The following AXDND1 variants were observed in gnomAD, a reference collection of about 807,000 sequenced individuals.
The protein encoded by AXDND1 is axonemal dynein light chain domain containing 1.
In AXDND1, 110 loss-of-function variants were observed where a neutral mutation model predicts 137.5. That is an observed-to-expected ratio of 0.80 (90% CI 0.69 to 0.94). AXDND1 has a LOEUF of 0.94. AXDND1 is among the 40% of genes least tolerant of loss of function. The probability of loss-of-function intolerance (pLI) is 0.00; values close to 1 mark genes in which losing one functional copy is unlikely to be tolerated. For synonymous variants in AXDND1, 414 were observed against 399.7 expected (o/e 1.04, Z -0.43); for missense variants, 1,191 against 1,169.8 (o/e 1.02, Z -0.26).
intron 16 of AXDND1, among the ~76,000 whole-genome samples, chr1:179,459,111 G>C (rs72719285): frequency 0.063 from 9,560 of 152,036 alleles, 360 homozygotes; most frequent in African/African-American, 0.071. Flanking sequence ...CTAAAAATGA[G>C]AATGGGAAAA....
At chr1:179,412,106 C>T (rs1653992604) in intron 12 of AXDND1, among the ~76,000 whole-genome samples, 1 of 152,132 alleles carries the variant, frequency 6.6e-6, no homozygotes, top group Non-Finnish European at 1.5e-5. Context: ...CTGCCTCAAC[C>T]TCTCAAAGTG....
chr1:179,422,785 A>G (rs1289210483), intron 12 of AXDND1, among the ~76,000 whole-genome samples: 1 of 151,772 alleles, frequency 6.6e-6, no homozygotes. Context: ...TTTCTTTGAG[A>G]TGAAGTCTCA....
intron 16 of AXDND1, among the ~76,000 whole-genome samples, chr1:179,465,535 G>T (rs1310236719): frequency 6.6e-6 from 1 of 152,252 alleles, no homozygotes; most frequent in Non-Finnish European, 1.5e-5. Context: ...GGCCCCTACT[G>T]GGAGGTGTCT....
intron 4 of AXDND1, among the ~76,000 whole-genome samples, chr1:179,375,518 A>G (rs991346136): frequency 1.3e-5 from 2 of 151,014 alleles, no homozygotes; most frequent in African/African-American, 2.4e-5. Context: ...TATAATGTAT[A>G]CATATGCATT....
chr1:179,434,470 C>T lies in AXDND1; in HGVS notation c.1563+2128C>T, dbSNP rs185687570. Reference sequence around the variant, plus strand: ...AATCCTCAATAAAATACTGGCAAACCGAATCCAGCAGCACATCAAAAATCT... The same window carrying T: ...AATCCTCAATAAAATACTGGCAAACTGAATCCAGCAGCACATCAAAAATCT... On this transcript the variant is annotated intron_variant, in intron 15 of 25. Coordinates refer to ENST00000367618, the MANE Select transcript of AXDND1 (RefSeq NM_144696.6). Among the ~76,000 whole-genome samples the T allele has an allele frequency of 5.3e-3, 808 of 152,166 alleles. 9 individuals carry two copies. Among genetic ancestry groups the T allele is most frequent in the African/African-American group, 0.019 (779 of 41,512 alleles).
Position 179,419,652 on chromosome 1 carries a change from A to AG in AXDND1, c.1230+8391dup, listed in dbSNP as rs1185708279. On this transcript the variant is annotated intron_variant, in intron 12 of 25. Transcript: ENST00000367618. ...TGGGGAGAGGGAGAGGGAGAGGGGG[A>AG]GGGGGAGGGGGAGGGAGACAGAGAG... Among the ~76,000 whole-genome samples the AG allele has an allele frequency of 2.9e-3, 97 of 33,272 alleles. 1 individual carries two copies. Among genetic ancestry groups the AG allele is most frequent in the African/African-American group, 7.1e-3 (55 of 7,704 alleles). 21.8% of individuals were successfully genotyped at this position (33,272 alleles called of 152,430 possible). A position where few individuals can be genotyped will look rare whatever the true frequency, so the allele number is the denominator to read the frequency against.
At chr1:179,498,041 C>T (rs1667630580) in intron 20 of AXDND1, among the ~76,000 whole-genome samples, 1 of 152,136 alleles carries the variant, frequency 6.6e-6, no homozygotes, top group Non-Finnish European at 1.5e-5. Context: ...ATTTCATGCT[C>T]ATGGATAAGA....
chr1:179,492,774 A>G lies in AXDND1; in HGVS notation c.2292-81A>G. On this transcript the variant is annotated intron_variant, in intron 19 of 25. Coordinates refer to ENST00000367618, the MANE Select transcript of AXDND1 (RefSeq NM_144696.6). ...TGGATTTTTAAAATTTTAAACACTTAGAAGAAGAACCAGCAATAAATAGGT... is the reference window on the plus strand; with the variant it reads ...TGGATTTTTAAAATTTTAAACACTTGGAAGAAGAACCAGCAATAAATAGGT... 6.6e-6 allele frequency: 6 copies of G among 910,522 alleles called. No homozygotes were observed. In the African/African-American group the frequency reaches 6.8e-5, roughly 10 times the overall value. 56.4% of individuals were successfully genotyped at this position (910,522 alleles called of 1,614,324 possible).
chr1:179,438,011 G>T (rs973031820), intron 15 of AXDND1, among the ~76,000 whole-genome samples: 5 of 151,936 alleles, frequency 3.3e-5, no homozygotes, highest in Admixed American at 6.6e-5. Context: ...AATTAGCCAG[G>T]CATGGTGGCA....
At chr1:179,486,801 T>C (rs1021375579) in intron 18 of AXDND1, among the ~76,000 whole-genome samples, 1 of 148,672 alleles carries the variant, frequency 6.7e-6, no homozygotes, top group Admixed American at 6.6e-5. Context: ...TGTGACCAGA[T>C]GTGCCTTACA....
At chr1:179,398,520 C>G (rs1457913906) in intron 11 of AXDND1, among the ~76,000 whole-genome samples, 1 of 152,128 alleles carries the variant, frequency 6.6e-6, no homozygotes, top group Non-Finnish European at 1.5e-5. Context: ...TTCTCATTGG[C>G]TGCAACAGGT....
intron 15 of AXDND1, among the ~76,000 whole-genome samples, chr1:179,432,956 G>A (rs1657606069): frequency 6.6e-6 from 1 of 152,116 alleles, no homozygotes; most frequent in Non-Finnish European, 1.5e-5. Flanking sequence ...AAAAGCAAGT[G>A]CTCAGGGACT....
rs766892592 is a variant in AXDND1, at chr1:179,382,686, C to G, written c.582-14C>G. 1.9e-6 allele frequency: 3 copies of G among 1,583,956 alleles called. No homozygotes were observed. Among genetic ancestry groups the G allele is most frequent in the Non-Finnish European group, 2.6e-6 (3 of 1,154,846 alleles). On this transcript the variant is annotated splice_polypyrimidine_tract_variant and intron_variant, in intron 6 of 25. Coordinates refer to ENST00000367618, the MANE Select transcript of AXDND1 (RefSeq NM_144696.6). ...TTTTCTTAAAATAACATTTACCTAT[C>G]TTATTTATTGTAGCAAATACACTAC...
intron 16 of AXDND1, chr1:179,455,971 A>G (rs994946622): frequency 6.8e-6 from 2 of 294,314 alleles, no homozygotes; most frequent in African/African-American, 2.2e-5. Flanking sequence ...AAAAAACTAC[A>G]TTAAAACCCT....
rs1418692272 is a variant in AXDND1, at chr1:179,421,322, TTTCCTTCCTTCCTTTC to T, written c.1231-8180_1231-8165del. Among the ~76,000 whole-genome samples, 8 of 149,486 alleles carry T rather than the reference TTTCCTTCCTTCCTTTC, an allele frequency of 5.4e-5. No individual in the cohort carries two copies. In the East Asian group the frequency reaches 1.2e-3, roughly 22 times the overall value. On this transcript the variant is annotated intron_variant, in intron 12 of 25. Coordinates refer to ENST00000367618, the MANE Select transcript of AXDND1 (RefSeq NM_144696.6). Reference sequence around the variant, plus strand: ...TGGGGTCTTTTGTGGTTCTCTATGGTTTCCTTCCTTCCTTTCTTCCTTCCTTCCTTTTCTTTTTCTT... The same window carrying T: ...TGGGGTCTTTTGTGGTTCTCTATGGTTTCCTTCCTTCCTTTTCTTTTTCTT...
At chr1:179,372,402 T>A (rs1668124388) in intron 4 of AXDND1, among the ~76,000 whole-genome samples, 1 of 152,146 alleles carries the variant, frequency 6.6e-6, no homozygotes, top group Non-Finnish European at 1.5e-5. Flanking sequence ...CATTGACATC[T>A]TCAGATAAAA....
At chr1:179,370,999 T>C (rs1260920910) in intron 4 of AXDND1, among the ~76,000 whole-genome samples, 1 of 152,248 alleles carries the variant, frequency 6.6e-6, no homozygotes, top group African/African-American at 2.4e-5. Flanking sequence ...TTTTATGTAC[T>C]GAGGCTTTAT....
chr1:179,509,227 A>G (rs1204621550), intron 20 of AXDND1, 69 bp from the exon 21 acceptor site: 2 of 908,024 alleles, frequency 2.2e-6, no homozygotes, highest in Non-Finnish European at 3.5e-6. Flanking sequence ...TGTATTTATC[A>G]GTTCCTCAAT....
Position 179,366,435 on chromosome 1 carries a change from G to A in AXDND1, c.-75G>A. 8.4e-7 allele frequency: 1 copy of A among 1,193,816 alleles called. No homozygotes were observed. Among genetic ancestry groups the A allele is most frequent in the Non-Finnish European group, 1.2e-6 (1 of 805,440 alleles). The allele number at this position is 1,193,816 out of a possible 1,614,324, so 74.0% of individuals were successfully genotyped here. On this transcript the variant is annotated 5_prime_UTR_variant, in exon 2 of 26. Coordinates refer to ENST00000367618, the MANE Select transcript of AXDND1 (RefSeq NM_144696.6). ...GTGGCAGCCTGCAAGTCCCAGTGCG[G>A]CGCTGATTTGTGTCTAAATTAGCTT...
Sources: gnomAD v4.1 joint callset for allele counts (sites outside exome capture counted in the v4.1 genomes callset) on GRCh38, gnomAD v4.1.1 for gene constraint, MANE v1.5 for transcripts, NCBI Gene and HGNC (gene_info 2026-07-23, HGNC 2026-07-21) for gene names.